The following SOX5 variants were observed in gnomAD, a reference collection of about 807,000 sequenced individuals.
SOX5 encodes the protein transcription factor SOX-5.
In SOX5, 9 loss-of-function variants were observed where a neutral mutation model predicts 92.0. The ratio of observed to expected loss-of-function variants is 0.10; its 90% CI spans 0.06 to 0.17. The LOEUF is 0.17. SOX5 is among the 10% of genes least tolerant of loss of function. SOX5 has a pLI of 1.00. For missense variants in SOX5, 642 were observed against 944.5 expected, an observed-to-expected ratio of 0.68 and a Z score of 4.20; for synonymous variants, 344 against 336.3, an observed-to-expected ratio of 1.02 and a Z score of -0.25.
intron 2 of SOX5, among the ~76,000 whole-genome samples, chr12:24,320,243 T>G (rs1950079387): frequency 6.6e-6 from 1 of 152,234 alleles, no homozygotes; most frequent in Non-Finnish European, 1.5e-5. Context: ...AGTTAGAAAT[T>G]GTTTTATAAA....
chr12:23,890,867 T>A (rs542795711), intron 2 of SOX5, among the ~76,000 whole-genome samples: 1 of 152,172 alleles, frequency 6.6e-6, no homozygotes, highest in South Asian at 2.1e-4. Flanking sequence ...GAGATTTAAC[T>A]ACCAATAAGA....
At chr12:23,806,063 CA>C (rs1442159595) in intron 3 of SOX5, among the ~76,000 whole-genome samples, 5 of 152,044 alleles carry the variant, frequency 3.3e-5, no homozygotes, top group African/African-American at 1.2e-4. Flanking sequence ...TTTTTTCTGA[CA>C]AAACAAACAT....
intron 2 of SOX5, among the ~76,000 whole-genome samples, chr12:24,356,444 C>CCT (rs1003629911): frequency 6.6e-6 from 1 of 151,864 alleles, no homozygotes; most frequent in African/African-American, 2.4e-5. Flanking sequence ...CCTCCTCCTT[C>CCT]CTCTCTCTCT....
At chr12:23,644,497 T>G (rs529315040) in intron 7 of SOX5, among the ~76,000 whole-genome samples, 1 of 152,340 alleles carries the variant, frequency 6.6e-6, no homozygotes, top group African/African-American at 2.4e-5. Flanking sequence ...CCAGATTATT[T>G]GTATGTGTAT....
At chr12:24,409,639 T>C (rs1169967407) in intron 1 of SOX5, among the ~76,000 whole-genome samples, 1 of 152,142 alleles carries the variant, frequency 6.6e-6, no homozygotes, top group Non-Finnish European at 1.5e-5. Flanking sequence ...TTTTGCAGAA[T>C]TTTACATCCC....
chr12:23,866,938 T>C (rs2136620238), intron 2 of SOX5, among the ~76,000 whole-genome samples: 1 of 152,238 alleles, frequency 6.6e-6, no homozygotes, highest in African/African-American at 2.4e-5. Flanking sequence ...CTTTGAACAA[T>C]GTGCACACTC....
intron 3 of SOX5, among the ~76,000 whole-genome samples, chr12:23,772,297 T>C (rs969874174): frequency 2.6e-5 from 4 of 152,204 alleles, no homozygotes; most frequent in African/African-American, 7.2e-5. Flanking sequence ...ACATAACTTA[T>C]CTTCTCCACT....
chr12:24,194,428 GGT>G (rs1956819216), intron 4 of SOX5, among the ~76,000 whole-genome samples: 5 of 104,330 alleles, frequency 4.8e-5, no homozygotes, highest in South Asian at 2.6e-4. Context: ...TAGGTAGGTA[GGT>G]ATGTAGGTAG....
intron 1 of SOX5, among the ~76,000 whole-genome samples, chr12:23,943,691 G>A (rs1253709577): frequency 6.6e-6 from 1 of 152,076 alleles, no homozygotes; most frequent in Non-Finnish European, 1.5e-5. Context: ...TGACTAAAAT[G>A]TTACTTAGAT....
chr12:23,714,048 T>G (rs1392947561), intron 6 of SOX5, among the ~76,000 whole-genome samples: 1 of 147,804 alleles, frequency 6.8e-6, no homozygotes, highest in Non-Finnish European at 1.5e-5. Flanking sequence ...GCCGAGATCA[T>G]GAAACTGCAC....
At chr12:24,211,514 T>C (rs1173214751) in intron 4 of SOX5, among the ~76,000 whole-genome samples, 1 of 152,242 alleles carries the variant, frequency 6.6e-6, no homozygotes, top group Non-Finnish European at 1.5e-5. Flanking sequence ...CTTGATTTCT[T>C]TGAATATTAG....
Position 23,766,901 on chromosome 12 carries a change from A to T in SOX5, c.482-11177T>A, listed in dbSNP as rs947514781. Reference sequence around the variant, plus strand: ...GATGTATTTTGATCAAAGATTTTGCATAACTCTTAAATAAGGGATTATAAA... The same window carrying T: ...GATGTATTTTGATCAAAGATTTTGCTTAACTCTTAAATAAGGGATTATAAA... On this transcript the variant is annotated intron_variant, in intron 3 of 14. Transcript: ENST00000451604. Among the ~76,000 whole-genome samples, 5 of 152,308 alleles carry T rather than the reference A, an allele frequency of 3.3e-5. No individual in the cohort carries two copies. In the East Asian group the frequency reaches 9.6e-4, roughly 29 times the overall value.
intron 4 of SOX5, among the ~76,000 whole-genome samples, chr12:24,117,694 G>A (rs1948168718): frequency 6.6e-6 from 1 of 152,136 alleles, no homozygotes. Context: ...AGGATATTAT[G>A]CTAAGTGAAA....
rs1938443739 is a variant in SOX5, at chr12:23,922,069, C to T, written c.39-26045G>A. Among the ~76,000 whole-genome samples, 3 of 152,162 alleles carry T rather than the reference C, an allele frequency of 2.0e-5. No homozygotes were observed. In the South Asian group the frequency reaches 6.2e-4, roughly 31 times the overall value. The stretch of plus-strand genomic sequence containing the variant: ...ACTAGCCGAAACACCAGACAACTCC[C>T]CCCCTGGGCTCCCACTTTTTTCAGG... On this transcript the variant is annotated intron_variant, in intron 1 of 14. Coordinates refer to ENST00000451604, the MANE Select transcript of SOX5 (RefSeq NM_006940.6).
chr12:23,883,307 C>G (rs754591956), intron 2 of SOX5, among the ~76,000 whole-genome samples: 1 of 152,170 alleles, frequency 6.6e-6, no homozygotes, highest in East Asian at 1.9e-4. Context: ...TACTGACAGA[C>G]CTTACCAGTA....
chr12:24,166,362 T>C (rs1953408140), intron 4 of SOX5, among the ~76,000 whole-genome samples: 1 of 152,200 alleles, frequency 6.6e-6, no homozygotes, highest in African/African-American at 2.4e-5. Context: ...GACCTCCCGT[T>C]CAAGAGAAAA....
intron 3 of SOX5, among the ~76,000 whole-genome samples, chr12:24,230,796 C>T (rs1356973573): frequency 6.6e-6 from 1 of 152,158 alleles, no homozygotes; most frequent in Non-Finnish European, 1.5e-5. Flanking sequence ...TCAAATTTTG[C>T]AATTTTCAGA....
chr12:23,998,905 A>T (rs1186929747), intron 4 of SOX5, among the ~76,000 whole-genome samples: 1 of 152,038 alleles, frequency 6.6e-6, no homozygotes, highest in Non-Finnish European at 1.5e-5. Context: ...ATATATAATC[A>T]AGAAGCTCAA....
At chr12:24,495,746 T>C (rs1234082871) in intron 1 of SOX5, among the ~76,000 whole-genome samples, 1 of 152,156 alleles carries the variant, frequency 6.6e-6, no homozygotes, top group Non-Finnish European at 1.5e-5. Flanking sequence ...AACTACTTAT[T>C]AACTAATGAA....
Sources: gnomAD v4.1 joint callset for allele counts (sites outside exome capture counted in the v4.1 genomes callset) on GRCh38, gnomAD v4.1.1 for gene constraint, MANE v1.5 for transcripts, NCBI Gene and HGNC (gene_info 2026-07-23, HGNC 2026-07-21) for gene names.